THSD7B: variants seen among roughly 807,000 people sequenced by gnomAD.
The protein encoded by THSD7B is thrombospondin type 1 domain containing 7B, also known as thrombospondin type-1 domain-containing protein 7B.
A neutral mutation model predicts 213.6 loss-of-function variants in THSD7B; 138 were observed. The observed-to-expected ratio is 0.65, with a 90% CI of 0.56 to 0.74. THSD7B has a LOEUF of 0.74. Among genes scored for constraint, THSD7B ranks in the 30% least tolerant of loss-of-function variants. The probability of loss-of-function intolerance (pLI) is 0.00; values close to 1 mark genes in which losing one functional copy is unlikely to be tolerated. For synonymous variants in THSD7B, 742 were observed against 687.0 expected (o/e 1.08, Z -1.25); for missense variants, 1,931 against 1,991.5 (o/e 0.97, Z 0.58).
intron 5 of THSD7B, among the ~76,000 whole-genome samples, chr2:137,157,312 C>A (rs1679928154): frequency 6.6e-6 from 1 of 152,204 alleles, no homozygotes; most frequent in South Asian, 2.1e-4. Flanking sequence ...CTGTGCATAT[C>A]CCACTTGCAC....
At chr2:137,102,157 G>C (rs915985461) in intron 4 of THSD7B, among the ~76,000 whole-genome samples, 1 of 152,192 alleles carries the variant, frequency 6.6e-6, no homozygotes, top group Non-Finnish European at 1.5e-5. Context: ...CTGGCATCTG[G>C]TGGGTGCCCC....
At chr2:136,891,044 C>CT (rs11314438) in intron 2 of THSD7B, among the ~76,000 whole-genome samples, 2 of 151,258 alleles carry the variant, frequency 1.3e-5, no homozygotes, top group African/African-American at 4.9e-5. Flanking sequence ...TTATTTTGAA[C>CT]TTTTTTTATT....
At chr2:136,998,024 A>G (rs1243320115) in intron 2 of THSD7B, among the ~76,000 whole-genome samples, 2 of 152,172 alleles carry the variant, frequency 1.3e-5, no homozygotes, top group South Asian at 2.1e-4. Context: ...ACACCGTAGC[A>G]GACAACTGAG....
intron 12 of THSD7B, among the ~76,000 whole-genome samples, chr2:137,349,796 T>C (rs79954452): frequency 2.0e-3 from 305 of 151,636 alleles, no homozygotes; most frequent in African/African-American, 7.1e-3. Flanking sequence ...TCCGTGACAA[T>C]GATAATATGC....
At chr2:137,467,154 A>G (rs1170080698) in intron 15 of THSD7B, among the ~76,000 whole-genome samples, 1 of 152,154 alleles carries the variant, frequency 6.6e-6, no homozygotes, top group Admixed American at 6.6e-5. Context: ...AGTGGTTTCC[A>G]ACCTTTTATT....
At chr2:136,769,004 G>A (rs1431432703) in intron 1 of THSD7B, among the ~76,000 whole-genome samples, 1 of 152,008 alleles carries the variant, frequency 6.6e-6, no homozygotes, top group African/African-American at 2.4e-5. Context: ...ATTTTAGTGG[G>A]GTCTGTAGTT....
chr2:137,478,575 T>C (rs1046543252), intron 15 of THSD7B, among the ~76,000 whole-genome samples: 1 of 152,220 alleles, frequency 6.6e-6, no homozygotes, highest in Non-Finnish European at 1.5e-5. Flanking sequence ...ATATTTTTCA[T>C]TGGAATCTCT....
At chr2:137,350,964 A>G (rs1318604932) in intron 12 of THSD7B, among the ~76,000 whole-genome samples, 1 of 151,866 alleles carries the variant, frequency 6.6e-6, no homozygotes, top group African/African-American at 2.4e-5. Flanking sequence ...TGAACTCTGG[A>G]TATGTCAAGT....
intron 3 of THSD7B, among the ~76,000 whole-genome samples, chr2:137,082,463 A>G (rs1205639141): frequency 2.6e-5 from 4 of 152,134 alleles, no homozygotes; most frequent in Non-Finnish European, 5.9e-5. Context: ...AAGTCAAGAT[A>G]GGTTTTTCTT....
At chr2:137,228,158 T>C (rs78351161) in intron 7 of THSD7B, among the ~76,000 whole-genome samples, 10 of 149,202 alleles carry the variant, frequency 6.7e-5, no homozygotes, top group Middle Eastern at 3.5e-3. Flanking sequence ...TTTTTTTTTT[T>C]TCAAGATTTC....
At chr2:136,888,661 C>T (rs1200936275) in intron 2 of THSD7B, among the ~76,000 whole-genome samples, 1 of 151,974 alleles carries the variant, frequency 6.6e-6, no homozygotes, top group Non-Finnish European at 1.5e-5. Flanking sequence ...TGGAGTTCAC[C>T]ACTAAAAATT....
At chr2:137,263,831 T>G (rs1017286970) in intron 10 of THSD7B, among the ~76,000 whole-genome samples, 1 of 152,322 alleles carries the variant, frequency 6.6e-6, no homozygotes, top group African/African-American at 2.4e-5. Flanking sequence ...AAAACCTTCC[T>G]ACTCATAGTT....
rs1553464058 is a variant in THSD7B, at chr2:137,611,005, T to TAATAAATAAA, written c.3424-5168_3424-5167insTAAATAAAAA. Among the ~76,000 whole-genome samples the TAATAAATAAA allele has an allele frequency of 6.1e-5, 9 of 146,352 alleles. No homozygotes were observed. The South Asian group carries it at 8.5e-4, about 14-fold the overall frequency. ...ACTTAAAGTATAATAATAATAATAATAAATAAAAAATAAAATAAAAAATAA... is the reference window on the plus strand; with the variant it reads ...ACTTAAAGTATAATAATAATAATAATAATAAATAAAAAATAAAAAATAAAATAAAAAATAA... On this transcript the variant is annotated intron_variant, in intron 17 of 27. Transcript: ENST00000409968.
At chr2:137,276,585 T>C (rs1047667521) in intron 12 of THSD7B, among the ~76,000 whole-genome samples, 1 of 152,104 alleles carries the variant, frequency 6.6e-6, no homozygotes, top group Non-Finnish European at 1.5e-5. Flanking sequence ...CTGCTTTTTA[T>C]CATCAATGTC....
chr2:137,412,001 GTC>G (rs927721026), intron 14 of THSD7B, 129 bp downstream of exon 14: 7 of 1,085,104 alleles, frequency 6.5e-6, no homozygotes, highest in Non-Finnish European at 9.0e-6. Flanking sequence ...ATAACACATT[GTC>G]TCTCATAAAA....
intron 15 of THSD7B, among the ~76,000 whole-genome samples, chr2:137,456,211 A>G (rs1687760295): frequency 1.3e-5 from 2 of 152,322 alleles, no homozygotes; most frequent in East Asian, 3.9e-4. Context: ...GAATAATGTA[A>G]TAAATTTTAT....
At position 137,260,310 on chromosome 2, in the gene THSD7B, T is replaced by C. The variant is rs144370332; in HGVS notation, c.2267-12223T>C. 9.8e-5 allele frequency among the ~76,000 whole-genome samples: 15 copies of C among 152,290 alleles called. No homozygotes were observed. In the East Asian group the frequency reaches 2.7e-3, roughly 27 times the overall value. On this transcript the variant is annotated intron_variant, in intron 10 of 27. Transcript: ENST00000409968. ...TGTCTTTTAAATATATTCTGAAATA[T>C]TTGCATGTAATAATGTGCTTTCTGA...
intron 17 of THSD7B, among the ~76,000 whole-genome samples, chr2:137,609,887 ATGGGTTG>A (rs1413640069): frequency 1.3e-5 from 2 of 152,126 alleles, no homozygotes; most frequent in African/African-American, 4.8e-5. Context: ...TGAGAGGTAG[ATGGGTTG>A]TGCATTCTAC....
At chr2:137,253,410 C>T (rs890633675) in intron 10 of THSD7B, among the ~76,000 whole-genome samples, 3 of 152,256 alleles carry the variant, frequency 2.0e-5, no homozygotes, top group East Asian at 3.9e-4. Context: ...TAATTTTCTT[C>T]GTGGAACAGC....
Sources: gnomAD v4.1 joint callset for allele counts (sites outside exome capture counted in the v4.1 genomes callset) on GRCh38, gnomAD v4.1.1 for gene constraint, MANE v1.5 for transcripts, NCBI Gene and HGNC (gene_info 2026-07-23, HGNC 2026-07-21) for gene names.